Variants in HMCN1 observed in about 807,000 individuals in gnomAD.
HMCN1 encodes hemicentin 1.
A neutral mutation model predicts 625.9 loss-of-function variants in HMCN1; 321 were observed. The ratio of observed to expected loss-of-function variants is 0.51; its 90% CI spans 0.47 to 0.56. HMCN1 has a LOEUF of 0.56. Ranked by LOEUF, HMCN1 falls within the 20% of genes least tolerant of loss-of-function variation. HMCN1 has a pLI of 0.00. For synonymous variants in HMCN1, 2,425 were observed against 2,417.6 expected (o/e 1.00, Z -0.09); for missense variants, 6,588 against 6,887.3 (o/e 0.96, Z 1.54).
intron 23 of HMCN1, chr1:185,993,557 A>G: frequency 2.4e-6 from 1 of 425,196 alleles, no homozygotes; most frequent in East Asian, 4.8e-5. Context: ...CAATTTTTCT[A>G]CTGGTCAACA....
intron 50 of HMCN1, among the ~76,000 whole-genome samples, chr1:186,068,403 G>T (rs1658260526): frequency 6.6e-6 from 1 of 152,096 alleles, no homozygotes. Flanking sequence ...CATGGAAATA[G>T]ATAATGCAAA....
chr1:185,891,068 G>T (rs1479517613), intron 4 of HMCN1, among the ~76,000 whole-genome samples: 2 of 57,812 alleles, frequency 3.5e-5, no homozygotes, highest in South Asian at 1.3e-3. Flanking sequence ...TTATGTAATG[G>T]CCTTCTTTGT....
intron 11 of HMCN1, among the ~76,000 whole-genome samples, chr1:185,944,241 C>T (rs773724525): frequency 2.0e-5 from 3 of 152,026 alleles, no homozygotes; most frequent in South Asian, 2.1e-4. Flanking sequence ...CCTATGTTCT[C>T]GCTTATAAGT....
At chr1:185,901,584 G>A (rs928721960) in intron 4 of HMCN1, among the ~76,000 whole-genome samples, 10 of 151,746 alleles carry the variant, frequency 6.6e-5, no homozygotes, top group South Asian at 2.1e-4. Flanking sequence ...AACGTTCTTC[G>A]CATGGAGCTT....
chr1:185,918,659 C>T (rs1332803406), intron 6 of HMCN1, among the ~76,000 whole-genome samples: 1 of 152,156 alleles, frequency 6.6e-6, no homozygotes, highest in African/African-American at 2.4e-5. Context: ...GCTCACACTG[C>T]AGCAGCCTGT....
Position 186,117,128 on chromosome 1 carries a change from TG to T in HMCN1, c.11683+15del, listed in dbSNP as rs1333313076. The T allele has an allele frequency of 6.2e-7, 1 of 1,612,924 alleles. No homozygotes were observed. Among genetic ancestry groups the T allele is most frequent in the Non-Finnish European group, 8.5e-7 (1 of 1,179,324 alleles). On this transcript the variant is annotated intron_variant, in intron 76 of 106. Coordinates refer to ENST00000271588, the MANE Select transcript of HMCN1 (RefSeq NM_031935.3). ...CTCACTGTCCAAGGTAGAATTGGCT[TG>T]GAACATGGATTGAAACATGATAATG...
intron 1 of HMCN1, among the ~76,000 whole-genome samples, chr1:185,750,841 C>T (rs1024907261): frequency 2.0e-5 from 3 of 151,150 alleles, no homozygotes; most frequent in African/African-American, 4.9e-5. Context: ...TATTTTCCCC[C>T]CCTCCCTCCT....
chr1:186,155,938 C>T (rs1164724149), intron 97 of HMCN1, among the ~76,000 whole-genome samples: 1 of 152,048 alleles, frequency 6.6e-6, no homozygotes, highest in Non-Finnish European at 1.5e-5. Flanking sequence ...GATTTCTGGG[C>T]ACAAAGATTT....
chr1:185,917,861 G>A (rs1300020232), intron 6 of HMCN1, among the ~76,000 whole-genome samples: 1 of 152,114 alleles, frequency 6.6e-6, no homozygotes, highest in Non-Finnish European at 1.5e-5. Flanking sequence ...GCTCTCCATG[G>A]TGCTTGTTCA....
At position 186,172,019 on chromosome 1, in the gene HMCN1, T is replaced by C. The variant is rs1420776277; in HGVS notation, c.15702T>C (p.Cys5234=). The change falls in exon 102 of 107, where the codon TGT becomes TGC. Residue 5234 remains cysteine, a synonymous_variant. Coordinates refer to ENST00000271588, the MANE Select transcript of HMCN1 (RefSeq NM_031935.3). ...KGRKCMDVNE[C]RQNVCRPDQH... is the part of the protein sequence containing the mutation. ...TCTTTTATCAAGATGTGAACGAGTGTAGACAAAATGTATGCAGACCAGATC... is the reference window on the plus strand; with the variant it reads ...TCTTTTATCAAGATGTGAACGAGTGCAGACAAAATGTATGCAGACCAGATC... 1 of 1,613,516 alleles carries C rather than the reference T, an allele frequency of 6.2e-7. No individual in the cohort carries two copies. The highest frequency in any genetic ancestry group is 1.1e-5 in the South Asian group (1 of 91,078).
At chr1:186,139,997 A>G (rs1041341027) in intron 89 of HMCN1, among the ~76,000 whole-genome samples, 2 of 152,224 alleles carry the variant, frequency 1.3e-5, no homozygotes, top group African/African-American at 4.8e-5. Flanking sequence ...AACTTAAAAA[A>G]GAGTTGCAAG....
chr1:186,068,817 C>G (rs2383430), intron 50 of HMCN1, among the ~76,000 whole-genome samples: 1 of 148,600 alleles, frequency 6.7e-6, no homozygotes, highest in East Asian at 2.0e-4. Context: ...TGCAGTAAGC[C>G]GAGATCGTGC....
At chr1:186,139,939 G>A (rs1440730308) in intron 89 of HMCN1, among the ~76,000 whole-genome samples, 1 of 151,854 alleles carries the variant, frequency 6.6e-6, no homozygotes, top group Non-Finnish European at 1.5e-5. Flanking sequence ...GAAAATCTCG[G>A]GGGCAGAAGA....
At chr1:185,742,573 A>T (rs1445125085) in intron 1 of HMCN1, among the ~76,000 whole-genome samples, 1 of 152,218 alleles carries the variant, frequency 6.6e-6, no homozygotes, top group East Asian at 1.9e-4. Flanking sequence ...TGAAATTCAA[A>T]TTGAAATGTT....
rs1321130695 is a variant in HMCN1, at chr1:185,963,811, G to A, written c.2014G>A (p.Ala672Thr). Residue 672 changes from alanine (A) to threonine (T), a missense_variant, in exon 13 of 107, where the codon GCT becomes ACT. Ala to Thr is a moderately conservative substitution (Grantham distance 58). Transcript: ENST00000271588. ...TGGTACCTTATTTATCAAAAATGCA[G>A]CTCCCAAAGATGCAGGGATCTATGG... ...SDGTLFIKNA[A>T]PKDAGIYGCL... 6.2e-7 allele frequency: 1 copy of A among 1,609,128 alleles called. No homozygotes were observed. Among genetic ancestry groups the A allele is most frequent in the African/African-American group, 1.3e-5 (1 of 74,710 alleles).
intron 1 of HMCN1, among the ~76,000 whole-genome samples, chr1:185,830,517 A>G (rs1660793037): frequency 6.6e-6 from 1 of 152,130 alleles, no homozygotes; most frequent in Admixed American, 6.5e-5. Flanking sequence ...TCCTTTCCAC[A>G]TTGCTTGTTC....
chr1:185,789,337 C>T (rs1252491777), intron 1 of HMCN1, among the ~76,000 whole-genome samples: 1 of 152,186 alleles, frequency 6.6e-6, no homozygotes, highest in Non-Finnish European at 1.5e-5. Flanking sequence ...CTAGGAATCA[C>T]AGAGACCCTG....
rs749469100 is a variant in HMCN1 at position 186,172,127 on chromosome 1, T to A, written c.15810T>A (p.Cys5270Ter). The A allele has an allele frequency of 6.2e-7, 1 of 1,613,702 alleles. No individual in the cohort carries two copies. The highest frequency in any genetic ancestry group is 8.5e-7 in the Non-Finnish European group (1 of 1,179,646). Residue 5270 changes from cysteine (C) to a stop codon, truncating the protein, a stop_gained, in exon 102 of 107, where the codon TGT becomes TGA. Transcript: ENST00000271588. LOFTEE classifies it high-confidence loss of function. ...NGMTKAENGT[C>*]IDIDECKDGT... ...TGACCAAGGCAGAAAATGGAACCTG[T>A]ATTGGTGAGTGTCTGGCTGTTTCCG...
At chr1:186,110,151 T>C (rs1210194695) in intron 71 of HMCN1, among the ~76,000 whole-genome samples, 1 of 152,138 alleles carries the variant, frequency 6.6e-6, no homozygotes, top group Non-Finnish European at 1.5e-5. Flanking sequence ...CCGTATTTCA[T>C]CAAAAAAGGC....
Sources: gnomAD v4.1 joint callset for allele counts (sites outside exome capture counted in the v4.1 genomes callset) on GRCh38, gnomAD v4.1.1 for gene constraint, MANE v1.5 for transcripts, NCBI Gene and HGNC (gene_info 2026-07-23, HGNC 2026-07-21) for gene names.